CEP120: variants seen among roughly 807,000 people sequenced by gnomAD.
CEP120 encodes centrosomal protein of 120 kDa.
Under a neutral mutation model 126.5 loss-of-function variants are expected in CEP120, and 113 were observed. The ratio of observed to expected loss-of-function variants is 0.89; its 90% CI spans 0.77 to 1.04. The LOEUF is 1.04. Ranked by LOEUF, CEP120 falls within the 50% of genes least tolerant of loss-of-function variation. The pLI is 0.00. For missense variants in CEP120, 1,230 were observed against 1,155.7 expected (o/e 1.06, Z -0.93); for synonymous variants, 400 against 394.3 (o/e 1.01, Z -0.17).
chr5:123,418,696 ACG>A (rs1774529043), intron 1 of CEP120, among the ~76,000 whole-genome samples, 181 bp from the exon 2 acceptor site: 1 of 151,102 alleles, frequency 6.6e-6, no homozygotes, highest in Non-Finnish European at 1.5e-5. Flanking sequence ...TCCCAGGTTC[ACG>A]CGATTCTCCT....
intron 18 of CEP120, among the ~76,000 whole-genome samples, chr5:123,353,679 G>A (rs1017696531): frequency 1.3e-5 from 2 of 151,854 alleles, no homozygotes; most frequent in African/African-American, 4.8e-5. Flanking sequence ...ATAGCTATAA[G>A]ACTATTTCTA....
In CEP120 at chr5:123,385,160, T is replaced by C. The variant is rs752920284; in HGVS notation, c.1581-27A>G. Reference sequence around the variant, plus strand: ...TAAGGAAGAGAGAAACATGTGTTCATACCTATCAACTCTGACCTAAAGTCT... The same window carrying C: ...TAAGGAAGAGAGAAACATGTGTTCACACCTATCAACTCTGACCTAAAGTCT... On this transcript the variant is annotated intron_variant, in intron 10 of 19. Coordinates refer to ENST00000306467, the MANE Select transcript of CEP120 (RefSeq NM_001375405.1). The C allele has an allele frequency of 1.0e-5, 16 of 1,563,450 alleles. No individual in the cohort carries two copies. In the East Asian group the frequency reaches 1.1e-4, roughly 11 times the overall value.
intron 14 of CEP120, among the ~76,000 whole-genome samples, chr5:123,381,860 G>T (rs1010010700): frequency 1.3e-5 from 2 of 151,796 alleles, no homozygotes; most frequent in Non-Finnish European, 2.9e-5. Context: ...TGGGATTACA[G>T]GTGTGAGCAA....
intron 4 of CEP120, among the ~76,000 whole-genome samples, chr5:123,411,216 C>T (rs1360901494): frequency 6.6e-6 from 1 of 152,202 alleles, no homozygotes; most frequent in African/African-American, 2.4e-5. Flanking sequence ...CAGAAATTCT[C>T]ATTCATTGCT....
intron 5 of CEP120, 81 bp downstream of exon 5, chr5:123,399,055 T>C: frequency 9.1e-7 from 1 of 1,104,432 alleles, no homozygotes; most frequent in Non-Finnish European, 1.2e-6. Flanking sequence ...TACTTGCAAG[T>C]CTTTTTAATA....
intron 5 of CEP120, among the ~76,000 whole-genome samples, chr5:123,394,319 G>A (rs1237766185): frequency 6.6e-6 from 1 of 152,134 alleles, no homozygotes; most frequent in Non-Finnish European, 1.5e-5. Context: ...ACAAACAGGA[G>A]GGTATAGGGG....
chr5:123,417,701 T>C (rs1030275132), intron 2 of CEP120, among the ~76,000 whole-genome samples: 1 of 151,376 alleles, frequency 6.6e-6, no homozygotes, highest in African/African-American at 2.4e-5. Flanking sequence ...ATATCTACTG[T>C]CTCACACATT....
intron 18 of CEP120, among the ~76,000 whole-genome samples, chr5:123,356,704 A>C (rs1769657007): frequency 6.6e-6 from 1 of 152,000 alleles, no homozygotes; most frequent in African/African-American, 2.4e-5. Context: ...AACAGAACCT[A>C]ATTAGGACCC....
rs1219742302 is a variant in CEP120 at position 123,412,474 on chromosome 5, T to C, written c.388A>G (p.Ile130Val). 6 of 1,612,274 alleles carry C rather than the reference T, an allele frequency of 3.7e-6. No homozygotes were observed. Among genetic ancestry groups the C allele is most frequent in the Non-Finnish European group, 5.1e-6 (6 of 1,179,098 alleles). Residue 130 changes from isoleucine to valine, a missense_variant, in exon 4 of 20, where the codon ATT (isoleucine) becomes GTT (valine). Physicochemically the swap from Ile to Val is conservative, Grantham distance 29 (BLOSUM62 3). Coordinates refer to ENST00000306467, the MANE Select transcript of CEP120 (RefSeq NM_001375405.1). ...TKFKSEIQIS[I>V]ALETDTKPPV... is the part of the protein sequence containing the mutation. ...GGCTTTGTATCGGTTTCCAAAGCAA[T>C]ACTTATCTGTATCTCAGACTTGAAT...
chr5:123,356,630 C>T (rs1769648352), intron 18 of CEP120, among the ~76,000 whole-genome samples: 1 of 151,858 alleles, frequency 6.6e-6, no homozygotes, highest in Non-Finnish European at 1.5e-5. Flanking sequence ...ATTCAGTTTT[C>T]ACCCTCAATC....
intron 8 of CEP120, among the ~76,000 whole-genome samples, chr5:123,389,464 C>A (rs1438004492): frequency 6.6e-6 from 1 of 152,160 alleles, no homozygotes; most frequent in Admixed American, 6.5e-5. Flanking sequence ...ATTGCAATGA[C>A]TTTGCATTGA....
intron 15 of CEP120, among the ~76,000 whole-genome samples, 172 bp downstream of exon 15, chr5:123,378,164 C>T (rs1257205242): frequency 1.3e-5 from 2 of 151,876 alleles, no homozygotes; most frequent in Non-Finnish European, 2.9e-5. Flanking sequence ...ATGTAAGACT[C>T]TCATAAATGG....
intron 17 of CEP120, among the ~76,000 whole-genome samples, chr5:123,364,928 T>C (rs1580651352): frequency 6.6e-6 from 1 of 151,728 alleles, no homozygotes; most frequent in East Asian, 1.9e-4. Flanking sequence ...AAAAAGCAGT[T>C]CTAACTGTTA....
rs1580685235 is a variant in CEP120 at position 123,382,880 on chromosome 5, C to T, written c.1870G>A (p.Ala624Thr). The T allele has an allele frequency of 6.2e-7, 1 of 1,613,206 alleles. No individual in the cohort carries two copies. Among genetic ancestry groups the T allele is most frequent in the East Asian group, 2.2e-5 (1 of 44,846 alleles). Residue 624 changes from alanine (A) to threonine (T), a missense_variant, in exon 13 of 20, where the codon GCC (alanine) becomes ACC (threonine). Coordinates refer to ENST00000306467, the MANE Select transcript of CEP120 (RefSeq NM_001375405.1). ...FISDSSQGVS[A>T]VQQKPSSLPP... ...AGAGAAGACGGCTTTTGCTGTACGGCAGATACACCCTAAGAGATGAACCAA... is the reference window on the plus strand; with the variant it reads ...AGAGAAGACGGCTTTTGCTGTACGGTAGATACACCCTAAGAGATGAACCAA...
intron 17 of CEP120, among the ~76,000 whole-genome samples, chr5:123,369,489 T>C (rs373211724): frequency 3.3e-5 from 5 of 152,044 alleles, no homozygotes; most frequent in East Asian, 1.9e-4. Flanking sequence ...ATGGCTTTAA[T>C]GGCCCATACT....
chr5:123,378,569 C>A lies in CEP120; in HGVS notation c.2104-141G>T, dbSNP rs566388480. 6.8e-5 allele frequency: 33 copies of A among 486,340 alleles called. 1 individual carries two copies. The highest frequency in any genetic ancestry group is 6.2e-4 in the East Asian group (18 of 29,144). 30.1% of individuals were successfully genotyped at this position (486,340 alleles called of 1,614,324 possible). A position where few individuals can be genotyped will look rare whatever the true frequency, so the allele number is the denominator to read the frequency against. On this transcript the variant is annotated intron_variant, in intron 14 of 19. Coordinates refer to ENST00000306467, the MANE Select transcript of CEP120 (RefSeq NM_001375405.1). ...AAGTCACAAATTACATCCGCCAATT[C>A]AAAGAAAAAAATGTGCTTTTATGAA... is the stretch of plus-strand genomic sequence containing the variant.
chr5:123,373,969 C>A (rs1771033780), intron 16 of CEP120, among the ~76,000 whole-genome samples: 1 of 151,858 alleles, frequency 6.6e-6, no homozygotes. Context: ...ATGACTCTAC[C>A]CAGCCCAATG....
At chr5:123,376,531 G>A (rs1201294844) in intron 16 of CEP120, among the ~76,000 whole-genome samples, 2 of 152,050 alleles carry the variant, frequency 1.3e-5, no homozygotes, top group Admixed American at 6.6e-5. Flanking sequence ...GTTTTAAAGA[G>A]GAGAGTATCA....
chr5:123,370,106 G>GTGCT (rs1398647124), intron 17 of CEP120, among the ~76,000 whole-genome samples: 2 of 151,972 alleles, frequency 1.3e-5, no homozygotes, highest in African/African-American at 4.8e-5. Flanking sequence ...AAGGTACAGG[G>GTGCT]TGCTGTCTTA....
Sources: allele counts gnomAD v4.1 joint callset (sites outside exome capture counted in the v4.1 genomes callset), GRCh38; gene constraint gnomAD v4.1.1; transcripts MANE v1.5; gene names NCBI Gene and HGNC (gene_info 2026-07-23, HGNC 2026-07-21).